The following FOXP2 variants were observed in gnomAD, a reference collection of about 807,000 sequenced individuals.
FOXP2 encodes the protein forkhead box P2.
In FOXP2, 12 loss-of-function variants were observed where a neutral mutation model predicts 115.8. The ratio of observed to expected loss-of-function variants is 0.10; its 90% CI spans 0.07 to 0.17. FOXP2 has a LOEUF of 0.17. FOXP2 is among the 10% of genes least tolerant of loss of function. The pLI is 1.00. For synonymous variants in FOXP2, 328 were observed against 297.7 expected (o/e 1.10, Z -1.05); for missense variants, 629 against 843.5 (o/e 0.75, Z 3.15).
At chr7:114,116,407 A>G (rs1022038456) in intron 1 of FOXP2, among the ~76,000 whole-genome samples, 3 of 152,180 alleles carry the variant, frequency 2.0e-5, no homozygotes, top group Non-Finnish European at 4.4e-5. Context: ...AAAGACAAGC[A>G]CAAAATAATA....
At chr7:114,546,433 A>T (rs558802971) in intron 3 of FOXP2, among the ~76,000 whole-genome samples, 3 of 152,354 alleles carry the variant, frequency 2.0e-5, no homozygotes, top group Non-Finnish European at 4.4e-5. Context: ...ACTGCTCTCC[A>T]AACATACTAT....
intron 7 of FOXP2, among the ~76,000 whole-genome samples, 182 bp downstream of exon 7, chr7:114,642,805 TATATA>T (rs1442831480): frequency 0.019 from 565 of 29,934 alleles, 5 homozygotes; most frequent in Middle Eastern, 0.052. Context: ...TATATATATA[TATATA>T]TATTTTTTTT....
At chr7:114,378,059 A>G (rs528736281) in intron 2 of FOXP2, among the ~76,000 whole-genome samples, 44 of 152,244 alleles carry the variant, frequency 2.9e-4, no homozygotes, top group Middle Eastern at 3.4e-3. Context: ...CTGACCTTCC[A>G]TAGATGCTCC....
intron 3 of FOXP2, among the ~76,000 whole-genome samples, chr7:114,593,498 G>T: frequency 6.6e-6 from 1 of 151,746 alleles, no homozygotes; most frequent in Non-Finnish European, 1.5e-5. Context: ...TTCTATCAAC[G>T]CTTATATGAT....
intron 2 of FOXP2, among the ~76,000 whole-genome samples, chr7:114,468,503 C>T (rs1231903153): frequency 6.6e-6 from 1 of 152,088 alleles, no homozygotes; most frequent in East Asian, 1.9e-4. Flanking sequence ...TGTTTTCACA[C>T]TCCCTGGCTC....
chr7:114,293,748 G>C (rs906278550), intron 2 of FOXP2, among the ~76,000 whole-genome samples: 2 of 152,310 alleles, frequency 1.3e-5, no homozygotes, highest in African/African-American at 4.8e-5. Flanking sequence ...TTCAGAAGAA[G>C]TGCCTTCTGC....
chr7:114,327,706 T>C (rs1797593447), intron 2 of FOXP2, among the ~76,000 whole-genome samples: 1 of 152,118 alleles, frequency 6.6e-6, no homozygotes, highest in African/African-American at 2.4e-5. Flanking sequence ...TTGACTATTT[T>C]GGCCAGGCTG....
At chr7:114,114,827 A>C (rs1224941647) in intron 1 of FOXP2, among the ~76,000 whole-genome samples, 1 of 152,120 alleles carries the variant, frequency 6.6e-6, no homozygotes, top group Non-Finnish European at 1.5e-5. Flanking sequence ...TCATCCTAAA[A>C]TTTTGACTTG....
intron 1 of FOXP2, among the ~76,000 whole-genome samples, chr7:114,104,530 T>G (rs1791065192): frequency 6.6e-6 from 1 of 152,014 alleles, no homozygotes; most frequent in African/African-American, 2.4e-5. Flanking sequence ...AAAATGTAAT[T>G]GAAAAACTAT....
At chr7:114,200,329 A>G (rs551343337) in intron 1 of FOXP2, among the ~76,000 whole-genome samples, 2 of 152,304 alleles carry the variant, frequency 1.3e-5, no homozygotes, top group East Asian at 3.9e-4. Context: ...TTGAGTCATG[A>G]TCCTGACATA....
At chr7:114,558,286 A>G (rs578166137) in intron 3 of FOXP2, among the ~76,000 whole-genome samples, 7 of 152,216 alleles carry the variant, frequency 4.6e-5, no homozygotes, top group East Asian at 1.9e-4. Flanking sequence ...TATTTAAAAC[A>G]GTATCTTGTC....
intron 2 of FOXP2, among the ~76,000 whole-genome samples, chr7:114,291,375 T>C (rs181324251): frequency 3.9e-5 from 6 of 152,010 alleles, no homozygotes; most frequent in African/African-American, 1.4e-4. Context: ...CATTGCGGGG[T>C]AGGATTTTAA....
intron 16 of FOXP2, chr7:114,669,091 A>G (rs926997967): frequency 2.0e-5 from 3 of 152,060 alleles, no homozygotes; most frequent in Admixed American, 1.3e-4. Flanking sequence ...TTTTATAACC[A>G]TTCCAATTTA....
At chr7:114,443,035 C>G (rs1372550340) in intron 2 of FOXP2, among the ~76,000 whole-genome samples, 2 of 152,116 alleles carry the variant, frequency 1.3e-5, no homozygotes, top group Admixed American at 6.6e-5. Flanking sequence ...AGTCCTTTGG[C>G]TTCAACCCAC....
intron 3 of FOXP2, among the ~76,000 whole-genome samples, chr7:114,610,838 T>C (rs1803586666): frequency 6.6e-6 from 1 of 152,080 alleles, no homozygotes; most frequent in African/African-American, 2.4e-5. Context: ...TTTCCCCATA[T>C]TGCCCAGGCT....
chr7:114,493,882 T>C (rs1228233325), intron 2 of FOXP2, among the ~76,000 whole-genome samples: 3 of 152,024 alleles, frequency 2.0e-5, no homozygotes, highest in Non-Finnish European at 4.4e-5. Flanking sequence ...GTAAAAGTAG[T>C]CTTTTCTGAC....
intron 3 of FOXP2, among the ~76,000 whole-genome samples, chr7:114,603,724 G>C (rs1421612006): frequency 2.0e-5 from 3 of 152,052 alleles, no homozygotes; most frequent in Non-Finnish European, 1.5e-5. Context: ...GACTAATTTT[G>C]CTTACAAAAA....
intron 2 of FOXP2, among the ~76,000 whole-genome samples, chr7:114,468,275 G>A (rs143322439): frequency 2.0e-4 from 30 of 152,072 alleles, no homozygotes; most frequent in East Asian, 1.4e-3. Context: ...AAGTTTGCCC[G>A]TATCTATTCA....
At chr7:114,179,988 T>G (rs1255052711) in intron 1 of FOXP2, among the ~76,000 whole-genome samples, 1 of 151,950 alleles carries the variant, frequency 6.6e-6, no homozygotes, top group African/African-American at 2.4e-5. Context: ...GGGGATTGAA[T>G]GATTGAATAA....
Sources: allele counts gnomAD v4.1 joint callset (sites outside exome capture counted in the v4.1 genomes callset), GRCh38; gene constraint gnomAD v4.1.1; transcripts MANE v1.5; gene names NCBI Gene and HGNC (gene_info 2026-07-23, HGNC 2026-07-21).